Variants in HSH2D observed in about 807,000 individuals in gnomAD.
The protein encoded by HSH2D is hematopoietic SH2 domain-containing protein.
A neutral mutation model predicts 21.5 loss-of-function variants in HSH2D; 16 were observed. That is an observed-to-expected ratio of 0.74 (90% CI 0.50 to 1.13). HSH2D has a LOEUF of 1.13. Ranked by LOEUF, HSH2D falls within the 50% of genes most tolerant of loss-of-function variation. The pLI is 0.00. For missense variants in HSH2D, 418 were observed against 441.4 expected, an observed-to-expected ratio of 0.95 and a Z score of 0.47; for synonymous variants, 172 against 184.7, an observed-to-expected ratio of 0.93 and a Z score of 0.56.
chr19:16,134,821 G>A (rs905990297), intron 1 of HSH2D, among the ~76,000 whole-genome samples: 2 of 152,042 alleles, frequency 1.3e-5, no homozygotes, highest in African/African-American at 2.4e-5. Flanking sequence ...TCACCTCCTT[G>A]CTTAAAGCTC....
At chr19:16,145,037 G>T (rs28818772) in intron 1 of HSH2D, among the ~76,000 whole-genome samples, 80 of 119,436 alleles carry the variant, frequency 6.7e-4, no homozygotes, top group South Asian at 4.5e-3. Flanking sequence ...TTTTTTTGGG[G>T]TTTTTTTTTT....
intron 1 of HSH2D, among the ~76,000 whole-genome samples, chr19:16,134,958 C>CT (rs960658580): frequency 9.2e-5 from 13 of 141,412 alleles, no homozygotes; most frequent in South Asian, 2.2e-4. Context: ...GACCCCATCT[C>CT]TAAAAAAAAA....
At position 16,135,440 on chromosome 19, in the gene HSH2D, A is replaced by C. The variant is rs372895731; in HGVS notation, c.-324+1205A>C. Among the ~76,000 whole-genome samples the C allele has an allele frequency of 2.6e-5, 4 of 151,282 alleles. No individual in the cohort carries two copies. In the East Asian group the frequency reaches 5.8e-4, roughly 22 times the overall value. ...CAAGACCCTTTCTCAAAAAAAAAAC[A>C]AAAAACCTCCCCAGGTCTTCCTTGG... is the stretch of plus-strand genomic sequence containing the variant. On this transcript the variant is annotated intron_variant, in intron 1 of 7. Transcript: ENST00000616645.
upstream of HSH2D, among the ~76,000 whole-genome samples, chr19:16,143,031 A>G (rs1478907675): frequency 2.0e-5 from 3 of 151,932 alleles, no homozygotes; most frequent in African/African-American, 7.3e-5. Context: ...GGCCTCCCAA[A>G]GTGCTGGGAT....
intron 5 of HSH2D, 100 bp downstream of exon 5, chr19:16,154,591 G>T: frequency 1.5e-6 from 1 of 659,792 alleles, no homozygotes; most frequent in Non-Finnish European, 2.6e-6. Context: ...GAATGAGAAT[G>T]CGATCCTACA....
intron 1 of HSH2D, among the ~76,000 whole-genome samples, chr19:16,136,558 T>C (rs1033943762): frequency 2.6e-5 from 4 of 152,156 alleles, no homozygotes; most frequent in African/African-American, 9.7e-5. Flanking sequence ...CAAAAAGCAG[T>C]CTGAGAAATC....
chr19:16,134,766 G>A (rs1359990380), intron 1 of HSH2D, among the ~76,000 whole-genome samples: 1 of 152,060 alleles, frequency 6.6e-6, no homozygotes, highest in African/African-American at 2.4e-5. Context: ...TCACCTCTGT[G>A]TTTCAAACTA....
At position 16,152,537 on chromosome 19, in the gene HSH2D, T is replaced by G; in HGVS notation, c.126-15T>G. ...GCTGGACTGTTTCATTTCCTTTCTG[T>G]GTGTGCCCTTCCAGGGATGCTGAGA... On this transcript the variant is annotated splice_polypyrimidine_tract_variant and intron_variant, in intron 2 of 5. Transcript: ENST00000613986. The G allele has an allele frequency of 6.8e-7, 1 of 1,468,808 alleles. No individual in the cohort carries two copies. The allele number at this position is 1,468,808 out of a possible 1,614,324, so 91.0% of individuals were successfully genotyped here.
In HSH2D at chr19:16,154,342, C is replaced by A. The variant is rs1385612312; in HGVS notation, c.382-57C>A. 10 of 1,199,148 alleles carry A rather than the reference C, an allele frequency of 8.3e-6. No individual in the cohort carries two copies. In the Admixed American group the frequency reaches 2.1e-4, roughly 25 times the overall value. The allele number at this position is 1,199,148 out of a possible 1,614,324, so 74.3% of individuals were successfully genotyped here. On this transcript the variant is annotated intron_variant, in intron 4 of 5. Coordinates refer to ENST00000613986, the MANE Select transcript of HSH2D (RefSeq NM_001382417.1). ...TCCCTGAGACCTGCCTTCCAGGGTC[C>A]GTGCAGGACCTTTCCCCCTCCCTAG...
At chr19:16,135,271 C>CA (rs1158545633) in intron 1 of HSH2D, among the ~76,000 whole-genome samples, 1 of 151,278 alleles carries the variant, frequency 6.6e-6, no homozygotes, top group Non-Finnish European at 1.5e-5. Context: ...GACTCCGTCT[C>CA]AAAAAAATAA....
intron 1 of HSH2D, among the ~76,000 whole-genome samples, chr19:16,136,216 A>C (rs1259469393): frequency 8.5e-5 from 13 of 152,200 alleles, no homozygotes; most frequent in African/African-American, 2.9e-4. Flanking sequence ...CCTGCCACGG[A>C]TGCCTGATAA....
At position 16,136,030 on chromosome 19, in the gene HSH2D, C is replaced by T. The variant is rs568148277; in HGVS notation, c.-324+1795C>T. ...GGCAGCTCCCCAGGCATTGCAAACT[C>T]AGTGGGTTTGGGAACCCCCAGCCAC... On this transcript the variant is annotated intron_variant, in intron 1 of 7. Transcript: ENST00000616645. Among the ~76,000 whole-genome samples, 58 of 152,274 alleles carry T rather than the reference C, an allele frequency of 3.8e-4. 1 individual carries two copies. In the South Asian group the frequency reaches 8.3e-3, roughly 22 times the overall value.
intron 2 of HSH2D, among the ~76,000 whole-genome samples, chr19:16,149,467 T>C (rs928471735): frequency 1.3e-5 from 2 of 152,038 alleles, no homozygotes; most frequent in African/African-American, 4.8e-5. Context: ...CCTCCCGAAG[T>C]GCTGGGATTA....
intron 1 of HSH2D, among the ~76,000 whole-genome samples, chr19:16,135,457 C>G (rs951274684): frequency 2.6e-5 from 4 of 151,976 alleles, no homozygotes; most frequent in Non-Finnish European, 5.9e-5. Context: ...CTCCCCAGGT[C>G]TTCCTTGGGC....
In HSH2D at chr19:16,158,499, A is replaced by T. The variant is rs2091265980; in HGVS notation, c.*705A>T. 1 of 152,128 alleles carries T rather than the reference A, an allele frequency of 6.6e-6. No homozygotes were observed. Among genetic ancestry groups the T allele is most frequent in the African/African-American group, 2.4e-5 (1 of 41,408 alleles). The allele number at this position is 152,128 out of a possible 1,614,324, so 9.4% of individuals were successfully genotyped here. On this transcript the variant is annotated 3_prime_UTR_variant, in exon 6 of 6. Transcript: ENST00000613986. Reference sequence around the variant, plus strand: ...CAGTGAGCCGAGATCGCATCACTGCAGTCCAGCCTGGATGACAGAGTGAGA... The same window carrying T: ...CAGTGAGCCGAGATCGCATCACTGCTGTCCAGCCTGGATGACAGAGTGAGA...
At chr19:16,142,158 T>G (rs1025119964), upstream of HSH2D, 10 of 152,090 alleles carry the variant, frequency 6.6e-5, no homozygotes, top group Non-Finnish European at 1.2e-4. Flanking sequence ...TGTGGACCTA[T>G]GCGTGCCATG....
chr19:16,149,095 T>C (rs1172385297), intron 2 of HSH2D, among the ~76,000 whole-genome samples: 1 of 152,158 alleles, frequency 6.6e-6, no homozygotes, highest in Non-Finnish European at 1.5e-5. Flanking sequence ...CTCAGCTTTC[T>C]CTATACAAGT....
At chr19:16,139,116 C>T (rs1273854930), upstream of HSH2D, among the ~76,000 whole-genome samples, 1 of 152,210 alleles carries the variant, frequency 6.6e-6, no homozygotes, top group Non-Finnish European at 1.5e-5. Flanking sequence ...CCTCGGCCTC[C>T]CGAAGAGCTG....
chr19:16,151,152 C>G (rs1009541569), intron 2 of HSH2D, among the ~76,000 whole-genome samples: 6 of 151,836 alleles, frequency 4.0e-5, no homozygotes, highest in Non-Finnish European at 8.8e-5. Context: ...GGTGAAACCC[C>G]GTCTCTACTA....
Sources: gnomAD v4.1 joint callset for allele counts (sites outside exome capture counted in the v4.1 genomes callset) on GRCh38, gnomAD v4.1.1 for gene constraint, MANE v1.5 for transcripts, NCBI Gene and HGNC (gene_info 2026-07-23, HGNC 2026-07-21) for gene names.